KCP: variants seen among roughly 807,000 people sequenced by gnomAD.
KCP encodes the protein kielin/chordin-like protein.
A neutral mutation model predicts 212.7 loss-of-function variants in KCP; 194 were observed. That is an observed-to-expected ratio of 0.91 (90% CI 0.81 to 1.03). KCP has a LOEUF of 1.03. Ranked by LOEUF, KCP falls within the 50% of genes least tolerant of loss-of-function variation. KCP has a pLI of 0.00. For missense variants in KCP, 2,080 were observed against 2,162.5 expected, an observed-to-expected ratio of 0.96 and a Z score of 0.76; for synonymous variants, 833 against 865.3, an observed-to-expected ratio of 0.96 and a Z score of 0.65.
chr7:128,902,426 G>A (rs753961517), intron 8 of KCP, among the ~76,000 whole-genome samples: 8 of 152,236 alleles, frequency 5.3e-5, no homozygotes, highest in African/African-American at 7.2e-5. Flanking sequence ...GCCACAGGTA[G>A]TAGTGGCTGT....
rs776746629 is a variant in KCP at position 128,892,716 on chromosome 7, T to C, written c.1499A>G (p.Asp500Gly). The C allele has an allele frequency of 5.8e-6, 9 of 1,551,648 alleles. No individual in the cohort carries two copies. In the South Asian group the frequency reaches 1.1e-4, roughly 18 times the overall value. ...ACAGTGGCAGGCATGGCAAGGGCTGTCTGCATCCGTGAAGTTCTGCCCATT... is the reference window on the plus strand; with the variant it reads ...ACAGTGGCAGGCATGGCAAGGGCTGCCTGCATCCGTGAAGTTCTGCCCATT... ...YANGQNFTDA[D>G]SPCHACHCQD... is the part of the protein sequence containing the mutation. Residue 500 changes from aspartate (D) to glycine (G), a missense_variant, in exon 15 of 40, where the codon GAC becomes GGC. By Grantham distance (94) the Asp-to-Gly change is moderately conservative. Coordinates refer to ENST00000610776, the MANE Select transcript of KCP (RefSeq NM_001366122.1).
rs1221025122 is a variant in KCP, at chr7:128,877,189, C to G, written c.4741G>C (p.Val1581Leu). The G allele has an allele frequency of 1.3e-6, 2 of 1,486,094 alleles. No homozygotes were observed. The highest frequency in any genetic ancestry group is 1.8e-6 in the Non-Finnish European group (2 of 1,119,122). The allele number at this position is 1,486,094 out of a possible 1,614,324, so 92.1% of individuals were successfully genotyped here. A position where few individuals can be genotyped will look rare whatever the true frequency, so the allele number is the denominator to read the frequency against. Residue 1581 changes from valine to leucine, a missense_variant, in exon 40 of 40, where the codon GTG (valine) becomes CTG (leucine). Val to Leu is a conservative substitution (Grantham distance 32). Transcript: ENST00000610776. ...CCTGCAGGGCACTGGCAGCCGGGCACGCAGGGCCTCACGCAGTGGGCTGCC... is the reference window on the plus strand; with the variant it reads ...CCTGCAGGGCACTGGCAGCCGGGCAGGCAGGGCCTCACGCAGTGGGCTGCC... ...ELAAHCVRPC[V>L]PGCQCPAGLV...
intron 8 of KCP, among the ~76,000 whole-genome samples, chr7:128,897,892 T>C (rs1434689302): frequency 3.3e-5 from 5 of 152,192 alleles, no homozygotes; most frequent in Non-Finnish European, 7.3e-5. Flanking sequence ...GACTGGTTGT[T>C]TAAAAAGAGG....
At chr7:128,907,531 T>C in intron 2 of KCP, 78 bp from the exon 3 acceptor site, 1 of 1,019,144 alleles carries the variant, frequency 9.8e-7, no homozygotes, top group Non-Finnish European at 1.3e-6. Flanking sequence ...GGTGTGAAAA[T>C]GAGGCAGGAT....
intron 29 of KCP, among the ~76,000 whole-genome samples, chr7:128,882,270 C>T (rs1428089306): frequency 2.0e-5 from 3 of 152,202 alleles, no homozygotes; most frequent in Admixed American, 6.5e-5. Flanking sequence ...AACAGACCAA[C>T]CATGGCTTCC....
At chr7:128,906,257 C>G in intron 5 of KCP, 22 bp downstream of exon 5, 1 of 1,539,164 alleles carries the variant, frequency 6.5e-7, no homozygotes, top group Middle Eastern at 1.7e-4. Flanking sequence ...GGAGGTGGGG[C>G]TGAGACTGGC....
At position 128,892,729 on chromosome 7, in the gene KCP, A is replaced by C; in HGVS notation, c.1486T>G (p.Phe496Val). The change falls in exon 15 of 40, where the codon TTC (phenylalanine) becomes GTC (valine). Residue 496 changes from phenylalanine (F) to valine (V), a missense_variant. Transcript: ENST00000610776. ...TGGCAAGGGCTGTCTGCATCCGTGA[A>C]GTTCTGCCCATTGGCATACACTTGG... ...HSQVYANGQN[F>V]TDADSPCHAC... The C allele has an allele frequency of 6.4e-7, 1 of 1,551,696 alleles. No homozygotes were observed. Among genetic ancestry groups the C allele is most frequent in the Non-Finnish European group, 8.7e-7 (1 of 1,146,966 alleles).
intron 1 of KCP, among the ~76,000 whole-genome samples, chr7:128,908,853 G>A (rs1795290180): frequency 6.6e-6 from 1 of 152,208 alleles, no homozygotes; most frequent in Admixed American, 6.5e-5. Context: ...CTCTGCACCT[G>A]TCAGAAAGGC....
intron 22 of KCP, 23 bp from the exon 23 acceptor site, chr7:128,887,323 A>G: frequency 6.5e-7 from 1 of 1,537,318 alleles, no homozygotes; most frequent in Non-Finnish European, 8.8e-7. Flanking sequence ...GGAGTCCAAC[A>G]GAAGAGCTGC....
At chr7:128,902,645 AG>A in intron 8 of KCP, 131 bp downstream of exon 8, 1 of 809,670 alleles carries the variant, frequency 1.2e-6, no homozygotes, top group South Asian at 1.6e-5. Context: ...AGCCCCCAGC[AG>A]ACAGCGCCTA....
chr7:128,892,920 C>T lies in KCP; in HGVS notation c.1369G>A (p.Gly457Arg), dbSNP rs879538077. The change falls in exon 14 of 40, where the codon GGG becomes AGG. Residue 457 changes from glycine (G) to arginine (R), a missense_variant. By Grantham distance (125) the Gly-to-Arg change is moderately radical. Transcript: ENST00000610776. Reference sequence around the variant, plus strand: ...GGGGCTGGGGGGCAGAGCACAGCCCCGCACTTGGGTACCCCATCTTGACAG... The same window carrying T: ...GGGGCTGGGGGGCAGAGCACAGCCCTGCACTTGGGTACCCCATCTTGACAG... ...CVCQDGVPKC[G>R]AVLCPPAPCQ... 26 of 1,522,406 alleles carry T rather than the reference C, an allele frequency of 1.7e-5. No homozygotes were observed. Among genetic ancestry groups the T allele is most frequent in the African/African-American group, 1.1e-4 (8 of 72,446 alleles). The allele number at this position is 1,522,406 out of a possible 1,614,324, so 94.3% of individuals were successfully genotyped here.
chr7:128,888,244 G>A (rs1462743363), intron 22 of KCP, among the ~76,000 whole-genome samples: 5 of 107,918 alleles, frequency 4.6e-5, no homozygotes, highest in Admixed American at 9.2e-5. Context: ...ACACACATAC[G>A]GTCACACACA....
chr7:128,887,132 G>T, intron 23 of KCP, 83 bp downstream of exon 23: 1 of 1,264,194 alleles, frequency 7.9e-7, no homozygotes, highest in Non-Finnish European at 1.1e-6. Flanking sequence ...CTTGCCACCT[G>T]AGTGGAGGAG....
intron 37 of KCP, chr7:128,878,991 T>G (rs1387641336): frequency 8.3e-6 from 4 of 482,902 alleles, no homozygotes; most frequent in Non-Finnish European, 1.5e-5. Flanking sequence ...ATCCCTGCAC[T>G]GGGCCCCAGG....
At chr7:128,892,830 A>C in intron 14 of KCP, 36 bp from the exon 15 acceptor site, 1 of 1,551,376 alleles carries the variant, frequency 6.4e-7, no homozygotes. Context: ...GAGCTGGGTA[A>C]TGCAGGGGAA....
In KCP at chr7:128,894,032, G is replaced by C; in HGVS notation, c.949C>G (p.His317Asp). ...CDGCFLNGRE[H>D]RSGEPVGSGD... The stretch of plus-strand genomic sequence containing the variant: ...GAGCCCACAGGCTCCCCGCTGCGGT[G>C]CTCCCGCCCGTTTAGGAAACAGCCT... Residue 317 changes from histidine (H) to aspartate (D), a missense_variant, in exon 10 of 40, where the codon CAC becomes GAC. By Grantham distance (81) the His-to-Asp change is moderately conservative. Transcript: ENST00000610776. 2 of 1,549,954 alleles carry C rather than the reference G, an allele frequency of 1.3e-6. No homozygotes were observed. Among genetic ancestry groups the C allele is most frequent in the Non-Finnish European group, 8.7e-7 (1 of 1,146,342 alleles).
chr7:128,878,201 C>CAT (rs1483279642), intron 38 of KCP, among the ~76,000 whole-genome samples: 1 of 152,072 alleles, frequency 6.6e-6, no homozygotes, highest in African/African-American at 2.4e-5. Context: ...GGATTACAGG[C>CAT]ATATGCACCA....
chr7:128,877,805 C>G lies in KCP; in HGVS notation c.4312-15G>C. On this transcript the variant is annotated splice_polypyrimidine_tract_variant and intron_variant, in intron 38 of 39. Coordinates refer to ENST00000610776, the MANE Select transcript of KCP (RefSeq NM_001366122.1). ...CCCTCTGAGACCTGGGTGGGGAGAG[C>G]AGCCCTGACGTGACAGCACCACTGG... 6.5e-7 allele frequency: 1 copy of G among 1,538,384 alleles called. No homozygotes were observed.
intron 28 of KCP, 21 bp from the exon 29 acceptor site, chr7:128,884,143 C>A: frequency 1.3e-6 from 2 of 1,537,076 alleles, no homozygotes; most frequent in Non-Finnish European, 8.7e-7. Context: ...GAGTGAGCAG[C>A]GGTGGGTCCT....
Sources: allele counts gnomAD v4.1 joint callset (sites outside exome capture counted in the v4.1 genomes callset), GRCh38; gene constraint gnomAD v4.1.1; transcripts MANE v1.5; gene names NCBI Gene and HGNC (gene_info 2026-07-23, HGNC 2026-07-21).